WDR70: variants seen among roughly 807,000 people sequenced by gnomAD.
The protein encoded by WDR70 is WD repeat domain 70, also known as WD repeat-containing protein 70.
A neutral mutation model predicts 88.6 loss-of-function variants in WDR70; 53 were observed. That is an observed-to-expected ratio of 0.60 (90% CI 0.48 to 0.75). WDR70 has a LOEUF of 0.75. WDR70 is among the 30% of genes least tolerant of loss of function. WDR70 has a pLI of 0.00. For missense variants in WDR70, 610 were observed against 823.2 expected, an observed-to-expected ratio of 0.74 and a Z score of 3.17; for synonymous variants, 280 against 270.0, an observed-to-expected ratio of 1.04 and a Z score of -0.36.
intron 7 of WDR70, among the ~76,000 whole-genome samples, chr5:37,451,402 A>G (rs766710819): frequency 1.3e-5 from 2 of 152,270 alleles, no homozygotes; most frequent in Non-Finnish European, 2.9e-5. Flanking sequence ...ATCGTCCAGT[A>G]TGGTAGTCAC....
At chr5:37,491,063 T>G (rs1740054095) in intron 8 of WDR70, among the ~76,000 whole-genome samples, 1 of 152,152 alleles carries the variant, frequency 6.6e-6, no homozygotes, top group Non-Finnish European at 1.5e-5. Flanking sequence ...CTTTAGAAGC[T>G]TGTTTATACC....
chr5:37,707,946 A>AAAAAAAATATAT (rs1747399445), intron 13 of WDR70, among the ~76,000 whole-genome samples: 1 of 20,004 alleles, frequency 5.0e-5, no homozygotes, highest in Non-Finnish European at 8.5e-5. Context: ...AAAAAAAAAA[A>AAAAAAAATATAT]AAATATATAT....
intron 9 of WDR70, among the ~76,000 whole-genome samples, chr5:37,576,280 T>A (rs1743048626): frequency 6.6e-6 from 1 of 151,820 alleles, no homozygotes; most frequent in African/African-American, 2.4e-5. Context: ...TTACCTCCAT[T>A]TCTCACACTG....
At chr5:37,454,758 AT>A (rs1738780642) in intron 7 of WDR70, among the ~76,000 whole-genome samples, 1 of 152,158 alleles carries the variant, frequency 6.6e-6, no homozygotes, top group Non-Finnish European at 1.5e-5. Context: ...TTTATTGCAT[AT>A]TAATTGATGT....
chr5:37,673,583 A>ACCCCTCCCC (rs1746094647), intron 10 of WDR70, among the ~76,000 whole-genome samples: 4 of 76,228 alleles, frequency 5.2e-5, no homozygotes, highest in African/African-American at 1.1e-4. Context: ...GACTTTTCTT[A>ACCCCTCCCC]CCCCCCCCCC....
rs781268829 is a variant in WDR70 at position 37,479,855 on chromosome 5, G to A, written c.708G>A (p.Gln236=). ...PCECHQIKSL[Q]YSNTGDMILV... Reference sequence around the variant, plus strand: ...ACAGCCATCAGATCAAGTCATTACAGTATAGTAACACAGGAGACATGATTC... The same window carrying A: ...ACAGCCATCAGATCAAGTCATTACAATATAGTAACACAGGAGACATGATTC... The change falls in exon 8 of 18, where the codon CAG becomes CAA. Residue 236 remains glutamine, a synonymous_variant. Transcript: ENST00000265107. 8 of 1,613,876 alleles carry A rather than the reference G, an allele frequency of 5.0e-6. No homozygotes were observed. In the African/African-American group the frequency reaches 9.3e-5, roughly 19 times the overall value.
intron 10 of WDR70, among the ~76,000 whole-genome samples, chr5:37,636,261 A>G (rs1744962379): frequency 6.6e-6 from 1 of 152,240 alleles, no homozygotes; most frequent in South Asian, 2.1e-4. Flanking sequence ...GAATAAGTTA[A>G]ATATCATGAA....
intron 10 of WDR70, among the ~76,000 whole-genome samples, chr5:37,634,841 G>A (rs1055958058): frequency 6.6e-6 from 1 of 152,176 alleles, no homozygotes; most frequent in African/African-American, 2.4e-5. Flanking sequence ...CATGGAAGTC[G>A]GGGGACAGGG....
At chr5:37,533,644 C>T (rs1192122396) in intron 9 of WDR70, among the ~76,000 whole-genome samples, 2 of 152,144 alleles carry the variant, frequency 1.3e-5, no homozygotes, top group East Asian at 3.9e-4. Flanking sequence ...ATAGGTGTGT[C>T]TGTGCTCATT....
chr5:37,379,450 C>G (rs1195309342), intron 1 of WDR70, 39 bp from the exon 2 acceptor site: 1 of 1,613,830 alleles, frequency 6.2e-7, no homozygotes, highest in Non-Finnish European at 8.5e-7. Context: ...GCTGGGGCGC[C>G]GCACTAACTA....
intron 5 of WDR70, among the ~76,000 whole-genome samples, chr5:37,423,209 G>T (rs1750002247): frequency 6.6e-6 from 1 of 152,088 alleles, no homozygotes; most frequent in African/African-American, 2.4e-5. Context: ...TGACAAAGCT[G>T]AGGTTTGGTG....
chr5:37,710,086 C>A (rs1461713486), intron 13 of WDR70, among the ~76,000 whole-genome samples: 1 of 151,778 alleles, frequency 6.6e-6, no homozygotes, highest in African/African-American at 2.4e-5. Context: ...AGGAAAGATA[C>A]CTCAGATTTC....
At chr5:37,679,773 C>T (rs527343594) in intron 10 of WDR70, among the ~76,000 whole-genome samples, 147 of 152,280 alleles carry the variant, frequency 9.7e-4, no homozygotes, top group African/African-American at 3.2e-3. Flanking sequence ...GCTGTCAGAC[C>T]GGGACATTTA....
At chr5:37,679,966 C>T (rs1158522745) in intron 10 of WDR70, among the ~76,000 whole-genome samples, 1 of 152,242 alleles carries the variant, frequency 6.6e-6, no homozygotes, top group South Asian at 2.1e-4. Context: ...GCCTCACTGC[C>T]ACCTTGCAGT....
chr5:37,722,808 G>C, intron 14 of WDR70, 47 bp from the exon 15 acceptor site: 2 of 1,576,362 alleles, frequency 1.3e-6, no homozygotes, highest in Non-Finnish European at 8.7e-7. Context: ...GAAATTTTCT[G>C]TTTCTAAGAC....
At chr5:37,669,144 T>C (rs6861640) in intron 10 of WDR70, among the ~76,000 whole-genome samples, 9,738 of 152,274 alleles carry the variant, frequency 0.064, 968 homozygotes, top group African/African-American at 0.21. Flanking sequence ...AAGAAAATTC[T>C]GTATTTTCTT....
chr5:37,412,012 A>C (rs2111958998), intron 5 of WDR70, among the ~76,000 whole-genome samples: 1 of 151,892 alleles, frequency 6.6e-6, no homozygotes, highest in Non-Finnish European at 1.5e-5. Flanking sequence ...TTTCCAGTAG[A>C]ATTTGAAGGA....
intron 8 of WDR70, among the ~76,000 whole-genome samples, chr5:37,482,688 T>C (rs973273616): frequency 2.0e-5 from 3 of 152,142 alleles, no homozygotes; most frequent in African/African-American, 7.2e-5. Context: ...TGGAAATTAA[T>C]TAAGTACCTT....
intron 13 of WDR70, 33 bp downstream of exon 13, chr5:37,703,120 A>G: frequency 6.3e-7 from 1 of 1,582,790 alleles, no homozygotes; most frequent in Non-Finnish European, 8.7e-7. Context: ...AGCCTTGAGA[A>G]TACATAAAGT....
Sources: gnomAD v4.1 joint callset for allele counts (sites outside exome capture counted in the v4.1 genomes callset) on GRCh38, gnomAD v4.1.1 for gene constraint, MANE v1.5 for transcripts, NCBI Gene and HGNC (gene_info 2026-07-23, HGNC 2026-07-21) for gene names.